The following RTTN variants were observed in gnomAD, a reference collection of about 807,000 sequenced individuals.
The protein encoded by RTTN is rotatin.
A neutral mutation model predicts 269.2 loss-of-function variants in RTTN; 182 were observed. The observed-to-expected ratio is 0.68, with a 90% CI of 0.60 to 0.76. The LOEUF is 0.76. Among genes scored for constraint, RTTN ranks in the 30% least tolerant of loss-of-function variants. The pLI, the probability that RTTN is intolerant of heterozygous loss-of-function variation, is 0.00. For missense variants in RTTN, 2,545 were observed against 2,608.6 expected, an observed-to-expected ratio of 0.98 and a Z score of 0.53; for synonymous variants, 1,006 against 963.5, an observed-to-expected ratio of 1.04 and a Z score of -0.82.
intron 14 of RTTN, among the ~76,000 whole-genome samples, chr18:70,165,763 T>G (rs1441851721): frequency 1.3e-5 from 2 of 152,140 alleles, no homozygotes. Context: ...TTCCTGGGCA[T>G]AGAAATCACT....
chr18:70,157,102 C>G (rs1157451754), intron 14 of RTTN, among the ~76,000 whole-genome samples: 1 of 152,210 alleles, frequency 6.6e-6, no homozygotes, highest in African/African-American at 2.4e-5. Flanking sequence ...TGTGCACTTG[C>G]CTGCAGCCTC....
intron 40 of RTTN, among the ~76,000 whole-genome samples, chr18:70,031,946 G>A (rs756257457): frequency 5.3e-5 from 8 of 152,072 alleles, no homozygotes; most frequent in East Asian, 3.9e-4. Flanking sequence ...AACAAAATTC[G>A]CTCTCCCCAC....
At chr18:70,174,734 A>G (rs2061242778) in intron 11 of RTTN, among the ~76,000 whole-genome samples, 3 of 151,706 alleles carry the variant, frequency 2.0e-5, no homozygotes, top group Admixed American at 2.0e-4. Flanking sequence ...AAAAGAGAAT[A>G]AACAGGCCAG....
chr18:70,026,785 T>C (rs926588809), intron 43 of RTTN, among the ~76,000 whole-genome samples: 5 of 151,212 alleles, frequency 3.3e-5, no homozygotes, highest in African/African-American at 7.3e-5. Context: ...ATTTCAACAA[T>C]AGTGAGGACC....
chr18:70,164,835 A>C (rs1377838260), intron 14 of RTTN, among the ~76,000 whole-genome samples: 1 of 152,206 alleles, frequency 6.6e-6, no homozygotes, highest in Admixed American at 6.5e-5. Flanking sequence ...AAGCAAGATA[A>C]ATGGAAAATC....
intron 4 of RTTN, among the ~76,000 whole-genome samples, chr18:70,201,431 A>G (rs1600088029): frequency 2.7e-5 from 4 of 150,940 alleles, no homozygotes; most frequent in Middle Eastern, 3.4e-3. Context: ...AAACGGTGAA[A>G]CCCCGTCTCT....
rs1050809993 is a variant in RTTN, at chr18:70,205,385, C to A, written c.32-70G>T. The A allele has an allele frequency of 3.2e-6, 5 of 1,576,786 alleles. No individual in the cohort carries two copies. The South Asian group carries it at 4.5e-5, about 14-fold the overall frequency. On this transcript the variant is annotated intron_variant, in intron 1 of 48. Transcript: ENST00000640769. ...GAGACTACGTTATTTATGCTGTGGG[C>A]AGGAGCGGCGTGAAGACGGAATAAA...
rs538923393 is a variant in RTTN, at chr18:70,143,794, T to C, written c.2482-1407A>G. On this transcript the variant is annotated intron_variant, in intron 18 of 48. Transcript: ENST00000640769. ...AAATAAATAAAATTTGCAACAATGATGCAGTAGGTCAGGAAGGAACTTAAG... is the reference window on the plus strand; with the variant it reads ...AAATAAATAAAATTTGCAACAATGACGCAGTAGGTCAGGAAGGAACTTAAG... Among the ~76,000 whole-genome samples the C allele has an allele frequency of 4.6e-5, 7 of 151,592 alleles. No homozygotes were observed. The East Asian group carries it at 1.4e-3, about 29-fold the overall frequency.
intron 32 of RTTN, among the ~76,000 whole-genome samples, chr18:70,082,136 G>C (rs181144718): frequency 1.4e-4 from 21 of 152,208 alleles, no homozygotes; most frequent in Admixed American, 6.5e-4. Flanking sequence ...AAAGCAACTA[G>C]AGCATGAACA....
chr18:70,121,275 T>C (rs1431838988), intron 26 of RTTN, among the ~76,000 whole-genome samples: 2 of 152,130 alleles, frequency 1.3e-5, no homozygotes, highest in African/African-American at 4.8e-5. Flanking sequence ...CCACCTGAAC[T>C]GAAATCCCCA....
intron 7 of RTTN, 58 bp from the exon 8 acceptor site, chr18:70,193,511 G>T: frequency 8.2e-7 from 1 of 1,216,578 alleles, no homozygotes; most frequent in Non-Finnish European, 1.1e-6. Context: ...TTCTGACTAT[G>T]TGGTATTTAT....
Position 70,092,715 on chromosome 18 carries a change from A to G in RTTN, c.3993T>C (p.Leu1331=). The G allele has an allele frequency of 6.2e-7, 1 of 1,613,696 alleles. No homozygotes were observed. The highest frequency in any genetic ancestry group is 8.5e-7 in the Non-Finnish European group (1 of 1,179,676). Residue 1331 remains leucine, a synonymous_variant, in exon 29 of 49, where the codon CTT becomes CTC. Coordinates refer to ENST00000640769, the MANE Select transcript of RTTN (RefSeq NM_173630.4). ...GGGCCATCATCTCATGGGATAAGTG[A>G]AGCAAGCAAAGAATTGTGCTCTTTG... ...GVTKSTILCL[L]HLSHEMMAQA...
intron 35 of RTTN, among the ~76,000 whole-genome samples, chr18:70,061,703 G>A (rs185696999): frequency 9.9e-5 from 15 of 152,116 alleles, no homozygotes; most frequent in Admixed American, 6.5e-4. Flanking sequence ...CAGGCATGGC[G>A]GCACATTCCT....
chr18:70,076,401 TAACC>T lies in RTTN; in HGVS notation c.4375-864_4375-861del, dbSNP rs748177251. The stretch of plus-strand genomic sequence containing the variant: ...TCAAAACATATTGCAAGTTGACCTT[TAACC>T]ATAAGATTTGTATGTGTGTCTGTTC... On this transcript the variant is annotated intron_variant, in intron 32 of 48. Transcript: ENST00000640769. Among the ~76,000 whole-genome samples the T allele has an allele frequency of 3.9e-5, 6 of 152,130 alleles. No individual in the cohort carries two copies. The East Asian group carries it at 7.7e-4, about 20-fold the overall frequency.
chr18:70,118,459 CA>C (rs200689561), intron 26 of RTTN, among the ~76,000 whole-genome samples: 3 of 151,474 alleles, frequency 2.0e-5, no homozygotes, highest in African/African-American at 7.3e-5. Flanking sequence ...AGTCTTTCAC[CA>C]AAAAAAAGCC....
At chr18:70,016,889 G>C (rs1393398447) in intron 46 of RTTN, among the ~76,000 whole-genome samples, 3 of 152,070 alleles carry the variant, frequency 2.0e-5, no homozygotes, top group African/African-American at 7.2e-5. Context: ...TCTAGTGTGG[G>C]AAGACTAGGA....
At chr18:70,160,418 T>C (rs547292388) in intron 14 of RTTN, among the ~76,000 whole-genome samples, 5 of 152,042 alleles carry the variant, frequency 3.3e-5, no homozygotes, top group Admixed American at 6.5e-5. Flanking sequence ...AAACTAGGCA[T>C]TGAAGCCTCA....
At chr18:70,087,594 G>GTTTA in intron 31 of RTTN, among the ~76,000 whole-genome samples, 1 of 151,958 alleles carries the variant, frequency 6.6e-6, no homozygotes, top group East Asian at 1.9e-4. Context: ...TTAAAATAGG[G>GTTTA]TTTATTTTTC....
intron 40 of RTTN, among the ~76,000 whole-genome samples, chr18:70,038,955 C>CTCA (rs1008967443): frequency 2.6e-5 from 4 of 152,010 alleles, no homozygotes; most frequent in Non-Finnish European, 2.9e-5. Flanking sequence ...ATACATCAGT[C>CTCA]TCATATTAGT....
Sources: allele counts gnomAD v4.1 joint callset (sites outside exome capture counted in the v4.1 genomes callset), GRCh38; gene constraint gnomAD v4.1.1; transcripts MANE v1.5; gene names NCBI Gene and HGNC (gene_info 2026-07-23, HGNC 2026-07-21).